MTERF4: variants seen among roughly 807,000 people sequenced by gnomAD.
The protein encoded by MTERF4 is transcription termination factor 4, mitochondrial.
In MTERF4, 17 loss-of-function variants were observed where a neutral mutation model predicts 22.5. The ratio of observed to expected loss-of-function variants is 0.75; its 90% CI spans 0.52 to 1.13. The LOEUF (loss-of-function observed/expected upper bound fraction) is 1.13, where lower values mean the gene tolerates loss of function less well. MTERF4 is among the 50% of genes most tolerant of loss of function. MTERF4 has a pLI of 0.00. For synonymous variants in MTERF4, 165 were observed against 175.3 expected (o/e 0.94, Z 0.47); for missense variants, 420 against 466.8 (o/e 0.90, Z 0.92).
downstream of MTERF4, chr2:241,091,526 C>CCCCGTGTGCACTGCCATG (rs1279561073): frequency 1.3e-5 from 2 of 151,836 alleles, no homozygotes; most frequent in African/African-American, 4.8e-5. The surrounding 1 kb of genome is among the most constrained non-coding windows in gnomAD (Gnocchi z 4.1). Flanking sequence ...GTGGGGTCCT[C>CCCCGTGTGCACTGCCATG]TGGGTGACAG....
chr2:241,071,308 G>A (rs918861403), downstream of MTERF4: 10 of 560,110 alleles, frequency 1.8e-5, no homozygotes, highest in East Asian at 3.0e-5. Flanking sequence ...CCTAGACTCA[G>A]CCCTGCCTCA....
the MTERF4 span, among the ~76,000 whole-genome samples, chr2:241,060,115 A>G: frequency 6.6e-6 from 1 of 152,224 alleles, no homozygotes; most frequent in Non-Finnish European, 1.5e-5. Flanking sequence ...CATTAATAGC[A>G]TCAAAAACAT....
chr2:241,049,695 A>T, the MTERF4 span: 1 of 682,074 alleles, frequency 1.5e-6, no homozygotes, highest in Non-Finnish European at 2.6e-6. Flanking sequence ...GTGTATTTTC[A>T]GTGGCCTTGG....
At chr2:241,099,226 C>G in intron 2 of MTERF4, 170 bp downstream of exon 2, 1 of 700,310 alleles carries the variant, frequency 1.4e-6, no homozygotes, top group Non-Finnish European at 2.3e-6. Flanking sequence ...AGGTGCGTGC[C>G]ACCAAGCCCA....
At chr2:241,081,732 G>A (rs777229162) in intron 4 of MTERF4, 15 of 1,609,406 alleles carry the variant, frequency 9.3e-6, no homozygotes, top group South Asian at 3.3e-5. Flanking sequence ...CTTGTGTGCC[G>A]GGCGCAGACG....
At chr2:241,071,445 G>A (rs1017318633), downstream of MTERF4, 10 of 1,067,182 alleles carry the variant, frequency 9.4e-6, no homozygotes, top group Admixed American at 1.1e-4. Context: ...GGATGACCAC[G>A]GCCCACGCAC....
At chr2:241,051,992 A>T in the MTERF4 span, 1 of 1,557,772 alleles carries the variant, frequency 6.4e-7, no homozygotes, top group African/African-American at 1.4e-5. This position sits in a 1 kb window ranked among gnomAD's most constrained non-coding sequence, Gnocchi z 4.7. Flanking sequence ...ATGTTGGGGA[A>T]CGTGGGAGGG....
chr2:241,101,288 C>T (rs956006438), intron 1 of MTERF4: 2 of 414,652 alleles, frequency 4.8e-6, no homozygotes, highest in African/African-American at 4.1e-5. Flanking sequence ...GCAACCTGGA[C>T]CCCTCAAAGG....
At chr2:241,069,355 A>T (rs770825003), downstream of MTERF4, among the ~76,000 whole-genome samples, 2 of 152,128 alleles carry the variant, frequency 1.3e-5, no homozygotes, top group African/African-American at 4.8e-5. The surrounding 1 kb of genome is among the most constrained non-coding windows in gnomAD (Gnocchi z 4.9). Flanking sequence ...GTACCTTGCA[A>T]CCAGCCCCCT....
the MTERF4 span, chr2:241,065,695 C>T: frequency 9.7e-7 from 1 of 1,025,694 alleles, no homozygotes. Flanking sequence ...CGTCCACCCT[C>T]CTAGTTCTTG....
chr2:241,089,026 G>C, downstream of MTERF4: 1 of 351,920 alleles, frequency 2.8e-6, no homozygotes, highest in Non-Finnish European at 5.1e-6. Flanking sequence ...GTTTAAGCCA[G>C]CATTTCCCAA....
chr2:241,091,409 T>A (rs2063978194), downstream of MTERF4, among the ~76,000 whole-genome samples: 1 of 100,646 alleles, frequency 9.9e-6, no homozygotes, highest in African/African-American at 7.8e-5. This position sits in a 1 kb window ranked among gnomAD's most constrained non-coding sequence, Gnocchi z 4.1. Context: ...CGGTGGAGGC[T>A]GCCCCTCCCC....
intron 4 of MTERF4, among the ~76,000 whole-genome samples, chr2:241,081,178 C>T (rs2063309442): frequency 6.6e-6 from 1 of 152,224 alleles, no homozygotes; most frequent in Non-Finnish European, 1.5e-5. Context: ...GAACCTAAAT[C>T]CTATCAAGCA....
chr2:241,049,527 G>A, the MTERF4 span, among the ~76,000 whole-genome samples: 1 of 152,240 alleles, frequency 6.6e-6, no homozygotes, highest in African/African-American at 2.4e-5. Flanking sequence ...ATAGAATAAT[G>A]ATGTGATGCT....
the MTERF4 span, chr2:241,065,625 C>T: frequency 1.3e-6 from 2 of 1,598,888 alleles, no homozygotes; most frequent in East Asian, 2.2e-5. Flanking sequence ...GCCGTCCCTG[C>T]CCAGCCCCTG....
chr2:241,086,142 C>G (rs775830439), downstream of MTERF4, among the ~76,000 whole-genome samples: 5 of 152,158 alleles, frequency 3.3e-5, no homozygotes, highest in Non-Finnish European at 5.9e-5. Flanking sequence ...GCTGGTATTA[C>G]AGGAGTGAGC....
At chr2:241,090,551 A>G (rs565541359), downstream of MTERF4, 4 of 1,331,370 alleles carry the variant, frequency 3.0e-6, no homozygotes, top group South Asian at 3.2e-5. Flanking sequence ...CTAGACTTCT[A>G]TACACAGGGC....
downstream of MTERF4, chr2:241,090,029 C>G (rs573988776): frequency 5.3e-4 from 822 of 1,547,406 alleles, 7 homozygotes; most frequent in Non-Finnish European, 6.9e-5. Flanking sequence ...GGCAGTTGCA[C>G]AATAATAAAT....
chr2:241,048,414 G>A, the MTERF4 span: 2 of 1,610,384 alleles, frequency 1.2e-6, no homozygotes, highest in African/African-American at 2.7e-5. Context: ...TGCCCCGAAG[G>A]CTTCATGGGC....
Sources: gnomAD v4.1 joint callset for allele counts (sites outside exome capture counted in the v4.1 genomes callset) on GRCh38, gnomAD v4.1.1 for gene constraint, Gnocchi (gnomAD v3.1) non-coding constraint, MANE v1.5 for transcripts, NCBI Gene and HGNC (gene_info 2026-07-23, HGNC 2026-07-21) for gene names.